DPP6: variants seen among roughly 807,000 people sequenced by gnomAD.
The protein encoded by DPP6 is A-type potassium channel modulatory protein DPP6.
DPP6 carries 69 observed loss-of-function variants against 122.6 expected under a neutral mutation model. That is an observed-to-expected ratio of 0.56 (90% confidence interval 0.46 to 0.69). The LOEUF is 0.69. Ranked by LOEUF, DPP6 falls within the 30% of genes least tolerant of loss-of-function variation. The pLI, the probability that DPP6 is intolerant of heterozygous loss-of-function variation, is 0.00. For missense variants in DPP6, 928 were observed against 1,116.9 expected (o/e 0.83, Z 2.41); for synonymous variants, 418 against 433.1 (o/e 0.97, Z 0.43).
chr7:154,773,300 T>C (rs1796360080), intron 10 of DPP6, among the ~76,000 whole-genome samples: 1 of 152,200 alleles, frequency 6.6e-6, no homozygotes, highest in Admixed American at 6.5e-5. Context: ...TGGTGCTCTG[T>C]ATTTAGAGCA....
At chr7:154,360,882 G>A (rs556910064) in intron 1 of DPP6, among the ~76,000 whole-genome samples, 106 of 152,338 alleles carry the variant, frequency 7.0e-4, no homozygotes, top group African/African-American at 2.4e-3. Flanking sequence ...TATTGAGCTT[G>A]ATGAGATTCT....
intron 1 of DPP6, among the ~76,000 whole-genome samples, chr7:154,364,016 G>A (rs1462496880): frequency 1.3e-5 from 2 of 152,132 alleles, no homozygotes; most frequent in Non-Finnish European, 2.9e-5. Context: ...TGTGTTGTCT[G>A]TCCAGCCCTT....
chr7:154,143,604 G>A (rs189506004), intron 1 of DPP6, among the ~76,000 whole-genome samples: 170 of 152,216 alleles, frequency 1.1e-3, no homozygotes, highest in African/African-American at 3.9e-3. Flanking sequence ...GGATTTCCTA[G>A]GCATCTATAG....
rs933669255 is a variant in DPP6 at position 153,907,848 on chromosome 7, C to T, written c.51+20114C>T. On this transcript the variant is annotated intron_variant, in intron 1 of 25. Transcript: ENST00000404039. ...AAATCTTTCTATATACGTATGTGTACGTCCTATTCCTTCTGTTTCTCCTGG... is the reference window on the plus strand; with the variant it reads ...AAATCTTTCTATATACGTATGTGTATGTCCTATTCCTTCTGTTTCTCCTGG... Among the ~76,000 whole-genome samples the T allele has an allele frequency of 2.6e-5, 4 of 152,210 alleles. No individual in the cohort carries two copies. In the South Asian group the frequency reaches 8.3e-4, roughly 32 times the overall value.
rs369904160 is a variant in DPP6 at position 154,053,128 on chromosome 7, G to A, written c.243+65G>A. 100 of 996,234 alleles carry A rather than the reference G, an allele frequency of 1.0e-4. No homozygotes were observed. In the South Asian group the frequency reaches 3.9e-3, roughly 39 times the overall value. 61.7% of individuals were successfully genotyped at this position (996,234 alleles called of 1,614,324 possible). On this transcript the variant is annotated intron_variant, in intron 1 of 25. Transcript: ENST00000377770. ...CCGGGCTGAGCGCGCAGCGAGACGC[G>A]TCGGCAGGGGAAATTTTTTTTGGGG...
rs978686369 is a variant in DPP6, at chr7:154,490,080, G to C, written c.457+15043G>C. On this transcript the variant is annotated intron_variant, in intron 3 of 25. Coordinates refer to ENST00000377770, the MANE Select transcript of DPP6 (RefSeq NM_130797.4). ...TTACAGATCAGGGGCCCTAGAATCAGAGAAGTTAAGTCACTTACCTTAGGC... is the reference window on the plus strand; with the variant it reads ...TTACAGATCAGGGGCCCTAGAATCACAGAAGTTAAGTCACTTACCTTAGGC... 7.2e-5 allele frequency among the ~76,000 whole-genome samples: 11 copies of C among 152,228 alleles called. 1 individual carries two copies. The highest frequency in any genetic ancestry group is 2.7e-4 in the African/African-American group (11 of 41,462).
At chr7:153,840,861 CCTTA>C in the DPP6 span, among the ~76,000 whole-genome samples, 2 of 152,294 alleles carry the variant, frequency 1.3e-5, no homozygotes, top group South Asian at 4.1e-4. Flanking sequence ...CCACCCCGGT[CCTTA>C]CTTAATATAA....
chr7:154,176,249 A>G (rs1303891721), intron 1 of DPP6, among the ~76,000 whole-genome samples: 2 of 152,192 alleles, frequency 1.3e-5, no homozygotes, highest in African/African-American at 2.4e-5. Flanking sequence ...TCAGAAGTGC[A>G]GTATCCTGTG....
At chr7:154,153,485 C>T (rs2005540) in intron 1 of DPP6, among the ~76,000 whole-genome samples, 3,390 of 152,202 alleles carry the variant, frequency 0.022, 36 homozygotes, top group African/African-American at 0.075. Flanking sequence ...CTGAGCCTGG[C>T]CTTATTACTT....
At chr7:154,556,232 A>G (rs1231683508) in intron 4 of DPP6, among the ~76,000 whole-genome samples, 2 of 152,332 alleles carry the variant, frequency 1.3e-5, no homozygotes, top group South Asian at 2.1e-4. Flanking sequence ...TACAAATATT[A>G]TCTACACTTT....
At chr7:153,835,885 G>C in the DPP6 span, among the ~76,000 whole-genome samples, 670 of 152,288 alleles carry the variant, frequency 4.4e-3, 5 homozygotes, top group African/African-American at 0.016. Context: ...AACAGTCCAG[G>C]GGGTGGAATT....
chr7:154,801,206 A>G (rs751507402), intron 12 of DPP6, 149 bp from the exon 13 acceptor site: 327 of 1,098,738 alleles, frequency 3.0e-4, no homozygotes, highest in Non-Finnish European at 4.0e-4. Flanking sequence ...GAGGAAAGTG[A>G]CGGCCTCATC....
At chr7:154,056,869 TC>T (rs1441331599) in intron 1 of DPP6, among the ~76,000 whole-genome samples, 7 of 152,246 alleles carry the variant, frequency 4.6e-5, no homozygotes, top group African/African-American at 1.7e-4. Flanking sequence ...CTATTACTTT[TC>T]TTCTGTTTCA....
chr7:154,570,387 A>G (rs1831033820), intron 5 of DPP6, among the ~76,000 whole-genome samples: 1 of 151,924 alleles, frequency 6.6e-6, no homozygotes, highest in African/African-American at 2.4e-5. Flanking sequence ...CCATTTTTAT[A>G]TTGTCAGATA....
rs73727309 is a variant in DPP6, at chr7:154,595,501, A to G, written c.627+28585A>G. ...TATAAACTGGGTAAGATTTGCATCAATGTGAGTCTTCACACTGATGCTGGC... is the reference window on the plus strand; with the variant it reads ...TATAAACTGGGTAAGATTTGCATCAGTGTGAGTCTTCACACTGATGCTGGC... On this transcript the variant is annotated intron_variant, in intron 5 of 25. Transcript: ENST00000377770. Among the ~76,000 whole-genome samples the G allele has an allele frequency of 6.7e-3, 1,014 of 152,314 alleles. 13 individuals carry two copies. The highest frequency in any genetic ancestry group is 0.023 in the African/African-American group (949 of 41,574).
intron 2 of DPP6, among the ~76,000 whole-genome samples, chr7:154,469,596 G>T (rs925799301): frequency 6.6e-6 from 1 of 152,114 alleles, no homozygotes; most frequent in Non-Finnish European, 1.5e-5. Context: ...ATTTGCAGAC[G>T]TGCTACCTGG....
Position 154,180,602 on chromosome 7 carries a change from G to A in DPP6, c.243+127539G>A, listed in dbSNP as rs545720569. On this transcript the variant is annotated intron_variant, in intron 1 of 25. Coordinates refer to ENST00000377770, the MANE Select transcript of DPP6 (RefSeq NM_130797.4). ...TTCGAGTTTATATTATTATTTTTAA[G>A]ATTTCAAAAGCCTTCCCTTAAACAC... is the stretch of plus-strand genomic sequence containing the variant. Among the ~76,000 whole-genome samples the A allele has an allele frequency of 4.3e-3, 639 of 148,466 alleles. 3 individuals carry two copies. Among genetic ancestry groups the A allele is most frequent in the African/African-American group, 0.015 (610 of 39,878 alleles).
At chr7:154,133,388 C>G (rs1201333201) in intron 1 of DPP6, among the ~76,000 whole-genome samples, 1 of 152,112 alleles carries the variant, frequency 6.6e-6, no homozygotes, top group Non-Finnish European at 1.5e-5. Context: ...CTGAAGGGCT[C>G]TGTTCTTTGT....
At chr7:154,288,848 G>T (rs1238358673) in intron 1 of DPP6, among the ~76,000 whole-genome samples, 1 of 152,218 alleles carries the variant, frequency 6.6e-6, no homozygotes, top group African/African-American at 2.4e-5. Context: ...AAGAGATCTA[G>T]TTCCATGTGG....
Sources: allele counts gnomAD v4.1 joint callset (sites outside exome capture counted in the v4.1 genomes callset), GRCh38; gene constraint gnomAD v4.1.1; transcripts MANE v1.5; gene names NCBI Gene and HGNC (gene_info 2026-07-23, HGNC 2026-07-21).